SDK1: variants seen among roughly 807,000 people sequenced by gnomAD.
The protein encoded by SDK1 is sidekick cell adhesion molecule 1.
A neutral mutation model predicts 245.5 loss-of-function variants in SDK1; 157 were observed. The ratio of observed to expected loss-of-function variants is 0.64; its 90% CI spans 0.56 to 0.73. SDK1 has a LOEUF of 0.73. SDK1 is among the 30% of genes least tolerant of loss of function. The pLI, the probability that SDK1 is intolerant of heterozygous loss-of-function variation, is 0.00. For missense variants in SDK1, 3,583 were observed against 3,002.3 expected (o/e 1.19, Z -4.52); for synonymous variants, 1,647 against 1,278.5 (o/e 1.29, Z -6.15).
chr7:3,547,045 T>C (rs973742401), intron 1 of SDK1, among the ~76,000 whole-genome samples: 3 of 152,210 alleles, frequency 2.0e-5, no homozygotes, highest in Admixed American at 2.0e-4. Context: ...ATGTAGCTCA[T>C]ACATAGTTGA....
chr7:4,051,664 C>G lies in SDK1; in HGVS notation c.2745C>G (p.Pro915=). 6.2e-7 allele frequency: 1 copy of G among 1,612,408 alleles called. No individual in the cohort carries two copies. Among genetic ancestry groups the G allele is most frequent in the East Asian group, 2.2e-5 (1 of 44,754 alleles). The change falls in exon 19 of 45, where the codon CCC becomes CCG. Residue 915 remains proline, a synonymous_variant. Coordinates refer to ENST00000404826, the MANE Select transcript of SDK1 (RefSeq NM_152744.4). ...TTCTGGCATGGCCGGCAGATGCCCCCGAGGCTGTCACTGTGGTCACTATTG... is the reference window on the plus strand; with the variant it reads ...TTCTGGCATGGCCGGCAGATGCCCCGGAGGCTGTCACTGTGGTCACTATTG... ...YKLLAWPADA[P]EAVTVVTIAP...
intron 4 of SDK1, among the ~76,000 whole-genome samples, chr7:3,814,504 T>C (rs906195251): frequency 0.015 from 2,244 of 151,984 alleles, 48 homozygotes; most frequent in African/African-American, 0.051. Context: ...CATGCTGTTT[T>C]GGTTACTGTA....
At chr7:4,018,804 C>A (rs181082651) in intron 17 of SDK1, among the ~76,000 whole-genome samples, 1 of 152,196 alleles carries the variant, frequency 6.6e-6, no homozygotes, top group East Asian at 1.9e-4. Context: ...GTGACATGAG[C>A]AAAATGCTGC....
intron 4 of SDK1, among the ~76,000 whole-genome samples, chr7:3,751,504 G>A (rs909137807): frequency 3.9e-5 from 6 of 152,160 alleles, no homozygotes; most frequent in Non-Finnish European, 1.5e-5. Flanking sequence ...CAGCACTCTG[G>A]AGAGTGGTCC....
At chr7:3,797,234 CG>C (rs1562450023) in intron 4 of SDK1, among the ~76,000 whole-genome samples, 1 of 152,026 alleles carries the variant, frequency 6.6e-6, no homozygotes, top group Non-Finnish European at 1.5e-5. Flanking sequence ...CCTCCTGCCT[CG>C]GCCTCCCAAA....
intron 1 of SDK1, among the ~76,000 whole-genome samples, chr7:3,422,531 G>C (rs1011835467): frequency 1.3e-5 from 2 of 152,166 alleles, no homozygotes; most frequent in Admixed American, 1.3e-4. Flanking sequence ...GGTGGCTCAT[G>C]CCTGTAACCC....
chr7:3,985,973 C>T (rs779058928), intron 13 of SDK1, among the ~76,000 whole-genome samples: 13 of 152,100 alleles, frequency 8.5e-5, no homozygotes, highest in Admixed American at 2.0e-4. Flanking sequence ...AGCGGTGACC[C>T]GGGTCACACT....
intron 1 of SDK1, among the ~76,000 whole-genome samples, chr7:3,438,581 G>C (rs1476461524): frequency 6.6e-6 from 1 of 152,174 alleles, no homozygotes; most frequent in African/African-American, 2.4e-5. Context: ...GCAGGAGTTG[G>C]TCAGTAGGAT....
intron 13 of SDK1, among the ~76,000 whole-genome samples, chr7:3,982,318 A>G (rs1011500004): frequency 1.3e-5 from 2 of 152,202 alleles, no homozygotes; most frequent in Non-Finnish European, 2.9e-5. Context: ...TTGTCATGCT[A>G]GAGCTTTGAT....
intron 5 of SDK1, among the ~76,000 whole-genome samples, chr7:3,889,556 G>A (rs1303902947): frequency 1.3e-5 from 2 of 152,082 alleles, no homozygotes; most frequent in Non-Finnish European, 2.9e-5. Context: ...CACCCAGGCT[G>A]GAGTGCAGAG....
At chr7:3,629,910 G>C (rs1782238763) in intron 2 of SDK1, among the ~76,000 whole-genome samples, 1 of 152,172 alleles carries the variant, frequency 6.6e-6, no homozygotes, top group South Asian at 2.1e-4. Context: ...AGTTATAACT[G>C]TATTGCATAT....
At chr7:3,392,745 T>G (rs1382941224) in intron 1 of SDK1, among the ~76,000 whole-genome samples, 1 of 152,152 alleles carries the variant, frequency 6.6e-6, no homozygotes, top group Non-Finnish European at 1.5e-5. Flanking sequence ...AATTTTATTT[T>G]CATGATGTTT....
At chr7:3,730,161 G>A (rs1583350418) in intron 4 of SDK1, among the ~76,000 whole-genome samples, 1 of 152,232 alleles carries the variant, frequency 6.6e-6, no homozygotes, top group African/African-American at 2.4e-5. Flanking sequence ...CTTTGAAACA[G>A]AGATGACTTG....
intron 1 of SDK1, among the ~76,000 whole-genome samples, chr7:3,385,452 TAGC>T (rs1781587666): frequency 6.6e-6 from 1 of 152,282 alleles, no homozygotes; most frequent in African/African-American, 2.4e-5. Context: ...TTTTTACTGT[TAGC>T]AGACAATAAT....
At chr7:3,912,563 A>C (rs895830934) in intron 5 of SDK1, among the ~76,000 whole-genome samples, 2 of 152,222 alleles carry the variant, frequency 1.3e-5, no homozygotes, top group Non-Finnish European at 2.9e-5. Context: ...GCTTCAGTGG[A>C]CTGAAGATAG....
At chr7:4,077,615 G>T (rs1780777972) in intron 21 of SDK1, among the ~76,000 whole-genome samples, 1 of 152,184 alleles carries the variant, frequency 6.6e-6, no homozygotes, top group East Asian at 1.9e-4. Flanking sequence ...CGTATGGTTG[G>T]GGAGGCCTCA....
chr7:4,265,476 G>T lies in SDK1; in HGVS notation c.*92G>T. 1 of 1,369,016 alleles carries T rather than the reference G, an allele frequency of 7.3e-7. No homozygotes were observed. 84.8% of individuals were successfully genotyped at this position (1,369,016 alleles called of 1,614,324 possible). A position where few individuals can be genotyped will look rare whatever the true frequency, so the allele number is the denominator to read the frequency against. On this transcript the variant is annotated 3_prime_UTR_variant, in exon 45 of 45. Transcript: ENST00000404826. The stretch of plus-strand genomic sequence containing the variant: ...AATCAACTCCAATAACTGAGCTGAA[G>T]TTTTTGTTTAAAAAGAAAAAAATCT...
At chr7:4,204,779 C>T (rs1234987571) in intron 35 of SDK1, among the ~76,000 whole-genome samples, 1 of 152,220 alleles carries the variant, frequency 6.6e-6, no homozygotes, top group East Asian at 1.9e-4. Context: ...TGGAGCTCCC[C>T]AGGGCCCAGC....
chr7:3,494,579 TATTC>T (rs1481560272), intron 1 of SDK1, among the ~76,000 whole-genome samples: 3 of 152,224 alleles, frequency 2.0e-5, no homozygotes, highest in Non-Finnish European at 4.4e-5. Flanking sequence ...CTCATTAACA[TATTC>T]ATCACCTTAA....
Sources: gnomAD v4.1 joint callset for allele counts (sites outside exome capture counted in the v4.1 genomes callset) on GRCh38, gnomAD v4.1.1 for gene constraint, MANE v1.5 for transcripts, NCBI Gene and HGNC (gene_info 2026-07-23, HGNC 2026-07-21) for gene names.